The following SVIL variants were observed in gnomAD, a reference collection of about 807,000 sequenced individuals.
The protein encoded by SVIL is archvillin.
In SVIL, 101 loss-of-function variants were observed where a neutral mutation model predicts 240.4. The ratio of observed to expected loss-of-function variants is 0.42; its 90% CI spans 0.36 to 0.50. SVIL has a LOEUF of 0.50. Among genes scored for constraint, SVIL ranks in the 20% least tolerant of loss-of-function variants. The probability of loss-of-function intolerance (pLI) is 0.01; values close to 1 mark genes in which losing one functional copy is unlikely to be tolerated. For missense variants in SVIL, 2,512 were observed against 2,818.7 expected (o/e 0.89, Z 2.46); for synonymous variants, 999 against 1,100.0 (o/e 0.91, Z 1.82).
At chr10:29,476,694 G>C (rs896734012) in intron 29 of SVIL, among the ~76,000 whole-genome samples, 3 of 152,136 alleles carry the variant, frequency 2.0e-5, no homozygotes, top group Admixed American at 6.5e-5. Flanking sequence ...TGTGAGTCTA[G>C]AATTTTATTT....
intron 3 of SVIL, among the ~76,000 whole-genome samples, chr10:29,640,470 T>G (rs1958448804): frequency 6.6e-6 from 1 of 152,064 alleles, no homozygotes; most frequent in Non-Finnish European, 1.5e-5. Context: ...TCTCCCAGAG[T>G]GAGCTCCGTC....
intron 13 of SVIL, 41 bp from the exon 14 acceptor site, chr10:29,524,756 CA>C: frequency 1.2e-6 from 2 of 1,605,268 alleles, no homozygotes; most frequent in Non-Finnish European, 8.5e-7. Context: ...TACCAACAAA[CA>C]AAAGCACACC....
intron 6 of SVIL, among the ~76,000 whole-genome samples, chr10:29,544,610 G>T (rs1270195004): frequency 2.0e-5 from 3 of 151,856 alleles, no homozygotes; most frequent in Non-Finnish European, 2.9e-5. Context: ...TCAAAAATTA[G>T]CCAGGCATAG....
At chr10:29,469,393 C>T (rs1170132351) in intron 32 of SVIL, among the ~76,000 whole-genome samples, 1 of 152,212 alleles carries the variant, frequency 6.6e-6, no homozygotes, top group Non-Finnish European at 1.5e-5. Flanking sequence ...TGTTCCAGAA[C>T]CCAGAGAATG....
At chr10:29,492,864 A>C (rs1370530350) in intron 21 of SVIL, among the ~76,000 whole-genome samples, 1 of 152,226 alleles carries the variant, frequency 6.6e-6, no homozygotes, top group Non-Finnish European at 1.5e-5. Flanking sequence ...CAAATGAAAG[A>C]CAGGCGTTGA....
intron 3 of SVIL, among the ~76,000 whole-genome samples, chr10:29,657,370 T>C (rs10826673): frequency 0.047 from 7,152 of 152,242 alleles, 238 homozygotes; most frequent in East Asian, 0.16. Context: ...CCCATCAAGA[T>C]TCACAAAGCT....
intron 1 of SVIL, among the ~76,000 whole-genome samples, chr10:29,696,988 G>C (rs1344867884): frequency 9.4e-5 from 13 of 138,608 alleles, no homozygotes; most frequent in African/African-American, 3.5e-4. Context: ...CCCTCGCCCA[G>C]CCAGCCGCCC....
chr10:29,489,578 G>A (rs2132392953), intron 22 of SVIL, among the ~76,000 whole-genome samples: 1 of 152,226 alleles, frequency 6.6e-6, no homozygotes, highest in East Asian at 1.9e-4. Context: ...GAAAGGGTGT[G>A]GCTCTGTCGC....
At chr10:29,590,566 C>T (rs1337705682) in intron 1 of SVIL, among the ~76,000 whole-genome samples, 7 of 152,180 alleles carry the variant, frequency 4.6e-5, no homozygotes, top group Admixed American at 4.6e-4. Flanking sequence ...ATCACATATG[C>T]CATCTGGTTG....
intron 35 of SVIL, 84 bp from the exon 36 acceptor site, chr10:29,462,485 G>A: frequency 1.3e-6 from 2 of 1,539,854 alleles, no homozygotes; most frequent in African/African-American, 1.4e-5. Context: ...TTTCTTCTTT[G>A]CCAGAACTCA....
chr10:29,467,781 C>CGAG lies in SVIL; in HGVS notation c.5937_5938insCTC (p.Leu1979dup). Reference sequence around the variant, plus strand: ...TCGTAGGCTTTCCTGTCTCTCCTTCCTAAGGCATCCCAGAATCCGAGTGGC... The same window carrying CGAG: ...TCGTAGGCTTTCCTGTCTCTCCTTCCGAGTAAGGCATCCCAGAATCCGAGTGGC... On this transcript the variant is annotated inframe_insertion, in exon 33 of 38. Coordinates refer to ENST00000355867, the MANE Select transcript of SVIL (RefSeq NM_021738.3). 1 of 1,614,186 alleles carries CGAG rather than the reference C, an allele frequency of 6.2e-7. No individual in the cohort carries two copies. The highest frequency in any genetic ancestry group is 8.5e-7 in the Non-Finnish European group (1 of 1,180,040).
chr10:29,624,670 T>TA (rs966489721), intron 1 of SVIL, among the ~76,000 whole-genome samples: 102 of 146,584 alleles, frequency 7.0e-4, no homozygotes, highest in Admixed American at 8.2e-4. Context: ...AAAGTCTCAT[T>TA]AAAAAAAAAA....
intron 3 of SVIL, among the ~76,000 whole-genome samples, chr10:29,557,465 G>A (rs76138189): frequency 1.3e-5 from 2 of 152,052 alleles, no homozygotes; most frequent in African/African-American, 2.4e-5. Flanking sequence ...AATAAACCGA[G>A]TATCATGTAA....
chr10:29,522,624 C>G lies in SVIL; in HGVS notation c.3175G>C (p.Gly1059Arg), dbSNP rs775156672. ...CCCGTCTGCTCGGAAGTGGGCTCCC[C>G]GAACTCTGCCGCTGGGAAGGAAAAG... ...RKFSLRAAEF[G>R]EPTSEQTGTA... The change falls in exon 16 of 38, where the codon GGG (glycine) becomes CGG (arginine). Residue 1059 changes from glycine (G) to arginine (R), a missense_variant. By Grantham distance (125) the Gly-to-Arg change is moderately radical (BLOSUM62 -2). This residue lies in a region of SVIL where 1,443 missense variants were observed against 1,486.6 expected (regional missense o/e 0.97). Transcript: ENST00000355867. 2.4e-5 allele frequency: 39 copies of G among 1,613,944 alleles called. No homozygotes were observed. The highest frequency in any genetic ancestry group is 3.2e-5 in the Non-Finnish European group (38 of 1,179,976).
intron 1 of SVIL, among the ~76,000 whole-genome samples, chr10:29,708,855 A>G (rs757608401): frequency 3.9e-5 from 6 of 152,166 alleles, no homozygotes; most frequent in Non-Finnish European, 7.3e-5. Flanking sequence ...CAAAACAGCC[A>G]ATAGAACAAA....
chr10:29,545,053 C>A (rs772287630), intron 6 of SVIL: 5 of 534,658 alleles, frequency 9.4e-6, no homozygotes, highest in Non-Finnish European at 1.9e-5. Context: ...AGAAAACCTG[C>A]CTGCTAGTGG....
chr10:29,458,045 G>C lies in SVIL; in HGVS notation c.*202C>G. On this transcript the variant is annotated 3_prime_UTR_variant, in exon 38 of 38. Coordinates refer to ENST00000355867, the MANE Select transcript of SVIL (RefSeq NM_021738.3). ...AATTCTGATAACCTCCTGAATGGTG[G>C]AAAGAAGTTTCCAAACAGTTCCCTT... is the stretch of plus-strand genomic sequence containing the variant. The C allele has an allele frequency of 1.8e-6, 1 of 560,514 alleles. No individual in the cohort carries two copies. Among genetic ancestry groups the C allele is most frequent in the Non-Finnish European group, 3.1e-6 (1 of 323,956 alleles). 34.7% of individuals were successfully genotyped at this position (560,514 alleles called of 1,614,324 possible). A position where few individuals can be genotyped will look rare whatever the true frequency, so the allele number is the denominator to read the frequency against.
chr10:29,613,507 A>AC (rs1957326112), intron 1 of SVIL, among the ~76,000 whole-genome samples: 2 of 151,778 alleles, frequency 1.3e-5, no homozygotes, highest in Non-Finnish European at 1.5e-5. Flanking sequence ...CACTTAAAAA[A>AC]ATTTTTTTTT....
intron 7 of SVIL, 134 bp from the exon 8 acceptor site, chr10:29,533,592 T>G: frequency 7.1e-7 from 1 of 1,404,696 alleles, no homozygotes; most frequent in Non-Finnish European, 9.3e-7. Flanking sequence ...AGCATTTTGG[T>G]GTCTAATGTC....
Sources: allele counts gnomAD v4.1 joint callset (sites outside exome capture counted in the v4.1 genomes callset), GRCh38; gene constraint gnomAD v4.1.1; regional missense constraint gnomAD v4.1.1; transcripts MANE v1.5; gene names NCBI Gene and HGNC (gene_info 2026-07-23, HGNC 2026-07-21).